CA14: variants seen among roughly 807,000 people sequenced by gnomAD.
The protein encoded by CA14 is carbonic anhydrase 14.
In CA14, 44 loss-of-function variants were observed where a neutral mutation model predicts 48.8. The observed-to-expected ratio is 0.90, with a 90% CI of 0.71 to 1.16. The LOEUF (loss-of-function observed/expected upper bound fraction) is 1.16. Among genes scored for constraint, CA14 ranks in the 50% most tolerant of loss-of-function variants. The pLI is 0.00. For synonymous variants in CA14, 154 were observed against 155.0 expected, an observed-to-expected ratio of 0.99 and a Z score of 0.05; for missense variants, 386 against 401.0, an observed-to-expected ratio of 0.96 and a Z score of 0.32.
chr1:150,258,106 C>T lies in CA14; in HGVS notation c.-23C>T, dbSNP rs782265095. ...CCTCTAGTCCTCAAATTCCCAGTCC[C>T]CTGCACCCCTTCCTGGGACACTATG... is the stretch of plus-strand genomic sequence containing the variant. On this transcript the variant is annotated 5_prime_UTR_variant, in exon 1 of 11. Coordinates refer to ENST00000369111, the MANE Select transcript of CA14 (RefSeq NM_012113.3). The T allele has an allele frequency of 6.2e-7, 1 of 1,601,474 alleles. No homozygotes were observed. Among genetic ancestry groups the T allele is most frequent in the Non-Finnish European group, 8.5e-7 (1 of 1,172,020 alleles).
At chr1:150,264,565 C>T in intron 10 of CA14, 28 bp from the exon 11 acceptor site, 1 of 1,300,842 alleles carries the variant, frequency 7.7e-7, no homozygotes, top group Non-Finnish European at 1.1e-6. Flanking sequence ...AGATAGCAGT[C>T]ATTCTCATGA....
rs141941429 is a variant in CA14, at chr1:150,258,027, GCT to G, written c.-84_-83del. The G allele has an allele frequency of 0.096, 57,273 of 595,092 alleles. No individual in the cohort carries two copies. Among genetic ancestry groups the G allele is most frequent in the South Asian group, 0.13 (4,240 of 31,960 alleles). The allele number at this position is 595,092 out of a possible 1,614,324, so 36.9% of individuals were successfully genotyped here. The stretch of plus-strand genomic sequence containing the variant: ...ATACACTCACGCCAGGAGCTCGCTC[GCT>G]CTCTCTCTCTCTCTCTCACTCCTCC... On this transcript the variant is annotated 5_prime_UTR_variant, in exon 1 of 11. Coordinates refer to ENST00000369111, the MANE Select transcript of CA14 (RefSeq NM_012113.3).
rs1266065774 is a variant in CA14 at position 150,258,018 on chromosome 1, AGCTC to A, written c.-102_-99del. 2.0e-5 allele frequency: 13 copies of A among 664,506 alleles called. No homozygotes were observed. Among genetic ancestry groups the A allele is most frequent in the South Asian group, 2.7e-5 (1 of 37,234 alleles). The allele number at this position is 664,506 out of a possible 1,614,324, so 41.2% of individuals were successfully genotyped here. The stretch of plus-strand genomic sequence containing the variant: ...CAGAGATAAATACACTCACGCCAGG[AGCTC>A]GCTCGCTCTCTCTCTCTCTCTCTCA... On this transcript the variant is annotated 5_prime_UTR_variant, in exon 1 of 11. Transcript: ENST00000369111.
At chr1:150,263,222 G>A in intron 7 of CA14, 23 bp downstream of exon 7, 1 of 1,614,018 alleles carries the variant, frequency 6.2e-7, no homozygotes, top group Non-Finnish European at 8.5e-7. Context: ...GAAACGAGGT[G>A]AGGTGAGACA....
At chr1:150,262,070 G>A (rs1651083439) in intron 3 of CA14, 88 bp from the exon 4 acceptor site, 4 of 1,507,782 alleles carry the variant, frequency 2.7e-6, no homozygotes, top group South Asian at 1.2e-5. Flanking sequence ...CTGGAAGAGG[G>A]CCAAGTCTCC....
chr1:150,261,119 AG>A (rs1476035405), intron 2 of CA14: 10 of 265,398 alleles, frequency 3.8e-5, no homozygotes, highest in Middle Eastern at 1.2e-3. Context: ...CCCATCTCTC[AG>A]GGTATTCAGG....
intron 2 of CA14, chr1:150,260,490 A>G (rs2101829297): frequency 2.2e-6 from 1 of 448,656 alleles, no homozygotes; most frequent in South Asian, 2.0e-5. Flanking sequence ...GGCTCCGTCT[A>G]TCCTAATCCA....
At chr1:150,262,325 C>T (rs1553848052) in intron 4 of CA14, 25 bp downstream of exon 4, 2 of 1,579,730 alleles carry the variant, frequency 1.3e-6, no homozygotes, top group Non-Finnish European at 1.7e-6. Context: ...AGAGCTGGGA[C>T]TCAGACAAAG....
chr1:150,259,985 G>T (rs1242812694), intron 1 of CA14, among the ~76,000 whole-genome samples, 166 bp from the exon 2 acceptor site: 1 of 152,214 alleles, frequency 6.6e-6, no homozygotes, highest in Non-Finnish European at 1.5e-5. Flanking sequence ...CCTTTCCACA[G>T]AGGTGTCCGG....
At chr1:150,259,361 C>T (rs1278942390) in intron 1 of CA14, among the ~76,000 whole-genome samples, 11 of 152,192 alleles carry the variant, frequency 7.2e-5, no homozygotes, top group African/African-American at 2.4e-4. Flanking sequence ...TGCAGACCCT[C>T]AGCCTTTGCG....
At position 150,264,928 on chromosome 1, in the gene CA14, A is replaced by T; in HGVS notation, c.*269A>T. 1 of 304,390 alleles carries T rather than the reference A, an allele frequency of 3.3e-6. No homozygotes were observed. The highest frequency in any genetic ancestry group is 5.7e-5 in the East Asian group (1 of 17,590). 18.9% of individuals were successfully genotyped at this position (304,390 alleles called of 1,614,324 possible). A position where few individuals can be genotyped will look rare whatever the true frequency, so the allele number is the denominator to read the frequency against. On this transcript the variant is annotated 3_prime_UTR_variant, in exon 11 of 11. Coordinates refer to ENST00000369111, the MANE Select transcript of CA14 (RefSeq NM_012113.3). ...ACAAACTCTGTTTAGTTGCAGGGGA[A>T]GTTTGGGATATACCCCAAAGTCCTC...
At chr1:150,262,771 A>C in intron 5 of CA14, 33 bp from the exon 6 acceptor site, 1 of 1,551,818 alleles carries the variant, frequency 6.4e-7, no homozygotes, top group Non-Finnish European at 8.9e-7. Context: ...ACATGGACTC[A>C]TTCCAAACTC....
rs1553848290 is a variant in CA14, at chr1:150,263,072, T to G, written c.593T>G (p.Leu198Arg). ...DQKTSVPPFN[L>R]RELLPKQLGQ... The stretch of plus-strand genomic sequence containing the variant: ...AAGACCTCAGTGCCTCCCTTCAACC[T>G]AAGAGAGCTGCTCCCCAAACAGCTG... The change falls in exon 7 of 11, where the codon CTA becomes CGA. Residue 198 changes from leucine to arginine, a missense_variant. By Grantham distance (102) the Leu-to-Arg change is moderately radical. Transcript: ENST00000369111. The G allele has an allele frequency of 6.2e-7, 1 of 1,614,128 alleles. No individual in the cohort carries two copies. Among genetic ancestry groups the G allele is most frequent in the Admixed American group, 1.7e-5 (1 of 60,022 alleles).
chr1:150,262,854 T>C lies in CA14; in HGVS notation c.546T>C (p.His182=). 1 of 1,612,860 alleles carries C rather than the reference T, an allele frequency of 6.2e-7. No individual in the cohort carries two copies. The change falls in exon 6 of 11, where the codon CAT becomes CAC. Residue 182 remains histidine, a synonymous_variant. Coordinates refer to ENST00000369111, the MANE Select transcript of CA14 (RefSeq NM_012113.3). ...ATGAACACATTCTGAGTCACTTGCA[T>C]GAAGTCAGGCATAAAGGTGAGCCTT... is the stretch of plus-strand genomic sequence containing the variant. ...IAYEHILSHL[H]EVRHKDQKTS...
chr1:150,262,565 T>G lies in CA14; in HGVS notation c.440T>G (p.Leu147Trp), dbSNP rs868955467. 7 of 1,614,080 alleles carry G rather than the reference T, an allele frequency of 4.3e-6. No individual in the cohort carries two copies. The highest frequency in any genetic ancestry group is 1.6e-4 in the Middle Eastern group (1 of 6,062). Reference sequence around the variant, plus strand: ...TATGACTCTGATTCCTATGACAGCTTGAGTGAGGCTGCTGAGAGGCCTCAG... The same window carrying G: ...TATGACTCTGATTCCTATGACAGCTGGAGTGAGGCTGCTGAGAGGCCTCAG... ...VHYDSDSYDS[L>W]SEAAERPQGL... The change falls in exon 5 of 11, where the codon TTG becomes TGG. Residue 147 changes from leucine to tryptophan, a missense_variant. Physicochemically the swap from Leu to Trp is moderately conservative, Grantham distance 61. Coordinates refer to ENST00000369111, the MANE Select transcript of CA14 (RefSeq NM_012113.3).
chr1:150,258,252 G>A (rs1280106377), intron 1 of CA14, 69 bp downstream of exon 1: 6 of 1,329,094 alleles, frequency 4.5e-6, no homozygotes, highest in African/African-American at 1.4e-5. Flanking sequence ...GTGCTTAATG[G>A]GGGGAGGAGA....
chr1:150,263,828 T>A lies in CA14; in HGVS notation c.897T>A (p.Val299=), dbSNP rs1166377216. The A allele has an allele frequency of 6.2e-7, 1 of 1,613,934 alleles. No homozygotes were observed. The highest frequency in any genetic ancestry group is 1.3e-5 in the African/African-American group (1 of 74,874). ...EMLSLGVGIL[V]GCLCLLLAVY... Reference sequence around the variant, plus strand: ...TGAGTCTAGGTGTAGGAATCTTGGTTGGCTGTCTCTGCCTTCTCCTGGCTG... The same window carrying A: ...TGAGTCTAGGTGTAGGAATCTTGGTAGGCTGTCTCTGCCTTCTCCTGGCTG... The change falls in exon 10 of 11, where the codon GTT becomes GTA. Residue 299 remains valine, a synonymous_variant. Transcript: ENST00000369111.
rs587686733 is a variant in CA14 at position 150,260,677 on chromosome 1, G to C, written c.76+506G>C. 2.5e-4 allele frequency: 48 copies of C among 191,732 alleles called. 1 individual carries two copies. Among genetic ancestry groups the C allele is most frequent in the Admixed American group, 2.1e-3 (38 of 18,440 alleles). The allele number at this position is 191,732 out of a possible 1,614,324, so 11.9% of individuals were successfully genotyped here. The stretch of plus-strand genomic sequence containing the variant: ...AACGGTCAGTGTGAGAGCAAGAAGT[G>C]AATGATGAGAAGTCAGGATATCTGA... On this transcript the variant is annotated intron_variant, in intron 2 of 10. Coordinates refer to ENST00000369111, the MANE Select transcript of CA14 (RefSeq NM_012113.3).
At chr1:150,263,983 G>C (rs1266228568) in intron 10 of CA14, 105 bp downstream of exon 10, 1 of 818,184 alleles carries the variant, frequency 1.2e-6, no homozygotes, top group African/African-American at 1.7e-5. Context: ...GAGTGCAGTG[G>C]TGTGCAATCT....
Sources: gnomAD v4.1 joint callset for allele counts (sites outside exome capture counted in the v4.1 genomes callset) on GRCh38, gnomAD v4.1.1 for gene constraint, MANE v1.5 for transcripts, NCBI Gene and HGNC (gene_info 2026-07-23, HGNC 2026-07-21) for gene names.